The following EML1 variants were observed in gnomAD, a reference collection of about 807,000 sequenced individuals.
EML1 encodes the protein echinoderm microtubule-associated protein-like 1.
EML1 carries 27 observed loss-of-function variants against 110.4 expected under a neutral mutation model. The ratio of observed to expected loss-of-function variants is 0.24; its 90% CI spans 0.18 to 0.34. EML1 has a LOEUF of 0.34. EML1 is among the 10% of genes least tolerant of loss of function. EML1 has a pLI of 1.00. For missense variants in EML1, 741 were observed against 1,030.9 expected (o/e 0.72, Z 3.85); for synonymous variants, 344 against 385.8 (o/e 0.89, Z 1.27).
chr14:99,802,867 C>T (rs2139688347), intron 1 of EML1, among the ~76,000 whole-genome samples: 1 of 152,200 alleles, frequency 6.6e-6, no homozygotes, highest in African/African-American at 2.4e-5. Context: ...AATGTGCCTC[C>T]TGCAAGACAG....
intron 5 of EML1, 88 bp from the exon 6 acceptor site, chr14:99,894,541 A>G: frequency 2.1e-6 from 3 of 1,411,766 alleles, no homozygotes; most frequent in East Asian, 5.0e-5. Flanking sequence ...TTTCTCTTTT[A>G]TACTGAAAGG....
rs138358224 is a variant in EML1 at position 99,800,341 on chromosome 14, G to GT, written c.67+6808dup. 6.1e-3 allele frequency among the ~76,000 whole-genome samples: 909 copies of GT among 148,454 alleles called. 8 individuals are homozygous for GT. Among genetic ancestry groups the GT allele is most frequent in the African/African-American group, 0.018 (727 of 40,628 alleles). ...GAGTTTTTCTTTCTTTAAAGGACTT[G>GT]TTTTTTTTTTAAGTTTAATTAATTA... On this transcript the variant is annotated intron_variant, in intron 1 of 21. Transcript: ENST00000262233.
rs1469034743 is a variant in EML1 at position 99,911,629 on chromosome 14, CT to C, written c.1494+60del. Reference sequence around the variant, plus strand: ...TTGTTTTTAACCTTAAACTGTTATCCTTTTTTTATTAGTTTGAAATCTGTAT... The same window carrying C: ...TTGTTTTTAACCTTAAACTGTTATCCTTTTTTATTAGTTTGAAATCTGTAT... On this transcript the variant is annotated intron_variant, in intron 13 of 21. Transcript: ENST00000262233. 2.6e-6 allele frequency: 4 copies of C among 1,565,518 alleles called. No individual in the cohort carries two copies. The Admixed American group carries it at 6.3e-5, about 25-fold the overall frequency.
intron 1 of EML1, among the ~76,000 whole-genome samples, chr14:99,751,180 C>T (rs1382499104): frequency 6.6e-6 from 1 of 152,126 alleles, no homozygotes; most frequent in Non-Finnish European, 1.5e-5. Flanking sequence ...CCCTCACCTG[C>T]CTCCAGGAGC....
intron 2 of EML1, among the ~76,000 whole-genome samples, chr14:99,860,498 G>C (rs1016332169): frequency 5.9e-5 from 9 of 152,106 alleles, no homozygotes; most frequent in African/African-American, 2.2e-4. Context: ...CACCTGTTCA[G>C]ACTCAACACT....
At chr14:99,829,891 C>G (rs1344554466) in intron 1 of EML1, among the ~76,000 whole-genome samples, 3 of 152,210 alleles carry the variant, frequency 2.0e-5, no homozygotes, top group Non-Finnish European at 4.4e-5. Flanking sequence ...ATCCGTTCAT[C>G]CATCCATGGA....
intron 1 of EML1, among the ~76,000 whole-genome samples, chr14:99,840,480 C>A (rs2058615191): frequency 6.6e-6 from 1 of 152,190 alleles, no homozygotes. Context: ...GGTGGCACCT[C>A]TGTGGGAGGG....
rs977788836 is a variant in EML1, at chr14:99,837,992, G to A, written c.68-12861G>A. On this transcript the variant is annotated intron_variant, in intron 1 of 21. Coordinates refer to ENST00000262233, the MANE Select transcript of EML1 (RefSeq NM_004434.3). ...TTTTTTAAATCTTTTGTAGAGACGGGGTCTCACTATGTTGCCCTGGCTGGT... is the reference window on the plus strand; with the variant it reads ...TTTTTTAAATCTTTTGTAGAGACGGAGTCTCACTATGTTGCCCTGGCTGGT... 2.0e-4 allele frequency among the ~76,000 whole-genome samples: 30 copies of A among 152,026 alleles called. No individual in the cohort carries two copies. The Middle Eastern group carries it at 0.014, about 69-fold the overall frequency.
At chr14:99,811,569 A>C (rs146727120) in intron 1 of EML1, among the ~76,000 whole-genome samples, 1 of 151,178 alleles carries the variant, frequency 6.6e-6, no homozygotes, top group African/African-American at 2.4e-5. Context: ...TTGGGTGGCC[A>C]AGGCGGGAGG....
intron 1 of EML1, among the ~76,000 whole-genome samples, chr14:99,826,393 G>A (rs1029178225): frequency 2.0e-5 from 3 of 152,122 alleles, no homozygotes; most frequent in Non-Finnish European, 4.4e-5. Context: ...GATTACAGGC[G>A]TGAGCCACTG....
rs533972397 is a variant in EML1, at chr14:99,861,004, C to CT, written c.251-4506dup. ...TTTAAAATCCTATTTTCTATTTCTT[C>CT]TTTTGAGAAAAGGACAACAATAGAT... On this transcript the variant is annotated intron_variant, in intron 2 of 21. Transcript: ENST00000262233. Among the ~76,000 whole-genome samples, 237 of 152,192 alleles carry CT rather than the reference C, an allele frequency of 1.6e-3. 1 individual carries two copies. The highest frequency in any genetic ancestry group is 0.01 in the Middle Eastern group (3 of 294).
At chr14:99,908,075 G>T (rs1820436553) in intron 10 of EML1, among the ~76,000 whole-genome samples, 1 of 152,232 alleles carries the variant, frequency 6.6e-6, no homozygotes, top group African/African-American at 2.4e-5. Flanking sequence ...GCACGTGGAG[G>T]CCCGGAAATG....
chr14:99,894,814 G>A (rs1372701658), intron 6 of EML1, 56 bp downstream of exon 6: 3 of 1,528,036 alleles, frequency 2.0e-6, no homozygotes, highest in Admixed American at 2.1e-5. Context: ...ATCAATGCTT[G>A]ATGTTAACTG....
chr14:99,896,069 A>G (rs2059666711), intron 6 of EML1, among the ~76,000 whole-genome samples: 1 of 152,148 alleles, frequency 6.6e-6, no homozygotes. Flanking sequence ...ACTGTGAAAA[A>G]GGTGAATTAA....
intron 14 of EML1, 42 bp from the exon 15 acceptor site, chr14:99,914,524 G>A (rs1405573618): frequency 4.5e-6 from 7 of 1,570,606 alleles, no homozygotes; most frequent in South Asian, 1.2e-5. Context: ...AGTGCGAACT[G>A]TAGTATCTCA....
At chr14:99,835,488 T>C (rs764818635) in intron 1 of EML1, among the ~76,000 whole-genome samples, 5 of 152,202 alleles carry the variant, frequency 3.3e-5, no homozygotes, top group Non-Finnish European at 7.3e-5. Context: ...ATTGCTTCGT[T>C]TTTTTCTGCA....
chr14:99,842,303 A>C (rs1295372318), intron 1 of EML1, among the ~76,000 whole-genome samples: 2 of 152,216 alleles, frequency 1.3e-5, no homozygotes, highest in East Asian at 3.8e-4. Flanking sequence ...TATGCTAATC[A>C]GTTTTTCCCC....
chr14:99,908,670 C>T (rs772111842), intron 10 of EML1, among the ~76,000 whole-genome samples: 6 of 152,116 alleles, frequency 3.9e-5, no homozygotes, highest in Non-Finnish European at 7.4e-5. Flanking sequence ...GGCCAGGGTG[C>T]GGGTCTTGGA....
At position 99,897,239 on chromosome 14, in the gene EML1, A is replaced by G. The variant is rs761286833; in HGVS notation, c.772A>G (p.Asn258Asp). The G allele has an allele frequency of 2.5e-6, 4 of 1,613,048 alleles. No homozygotes were observed. In the African/African-American group the frequency reaches 4.0e-5, roughly 16 times the overall value. ...YFIASVVVLY[N>D]VEEQLQRHYA... ...CATCGCATCCGTGGTGGTGTTATAC[A>G]ACGTGGAGGAGCAACTGCAGAGGCA... The change falls in exon 7 of 22, where the codon AAC (asparagine) becomes GAC (aspartate). Residue 258 changes from asparagine (N) to aspartate (D), a missense_variant. This residue lies in a region of EML1 where 388 missense variants were observed against 605.6 expected (regional missense o/e 0.64). Coordinates refer to ENST00000262233, the MANE Select transcript of EML1 (RefSeq NM_004434.3).
Sources: allele counts gnomAD v4.1 joint callset (sites outside exome capture counted in the v4.1 genomes callset), GRCh38; gene constraint gnomAD v4.1.1; regional missense constraint gnomAD v4.1.1; transcripts MANE v1.5; gene names NCBI Gene and HGNC (gene_info 2026-07-23, HGNC 2026-07-21).